Variants in HUWE1 observed in about 807,000 individuals in gnomAD.
HUWE1 encodes HECT, UBA and WWE domain containing E3 ubiquitin protein ligase 1.
HUWE1 carries 18 observed loss-of-function variants against 299.4 expected under a neutral mutation model. That is an observed-to-expected ratio of 0.06 (90% CI 0.04 to 0.09). The LOEUF is 0.09. Among genes scored for constraint, HUWE1 ranks in the 10% least tolerant of loss-of-function variants. The pLI is 1.00. For synonymous variants in HUWE1, 1,317 were observed against 1,286.1 expected (o/e 1.02, Z -0.51); for missense variants, 1,832 against 3,462.3 (o/e 0.53, Z 11.82).
chrX:53,685,490 A>T (rs782781701), intron 2 of HUWE1, among the ~76,000 whole-genome samples: 58 of 112,405 alleles, frequency 5.2e-4, no homozygotes, highest in African/African-American at 1.8e-3. Flanking sequence ...TTATTATTAA[A>T]ATTTCAAAAT....
At position 53,595,207 on chromosome X, in the gene HUWE1, A is replaced by G. The variant is rs2148503260; in HGVS notation, c.3360T>C (p.Tyr1120=). ...TTCACCTGAATCGGGGAGTAGGTGT[A>G]TATGGTGGGGGCTGCCAAGATAACC... is the stretch of plus-strand genomic sequence containing the variant. ...TKGLSWQPPP[Y]TPTPRFRLTF... The change falls in exon 30 of 84, where the codon TAT becomes TAC. Residue 1120 remains tyrosine, a synonymous_variant. Transcript: ENST00000262854. 8.3e-7 allele frequency: 1 copy of G among 1,210,006 alleles called. No homozygotes were observed. Among genetic ancestry groups the G allele is most frequent in the Non-Finnish European group, 1.1e-6 (1 of 894,139 alleles).
intron 7 of HUWE1, among the ~76,000 whole-genome samples, chrX:53,644,746 C>T (rs2067851633): frequency 8.9e-6 from 1 of 112,293 alleles, no homozygotes; most frequent in African/African-American, 3.2e-5. Flanking sequence ...AGCTTTCCAA[C>T]AGTGGGTTAC....
intron 19 of HUWE1, among the ~76,000 whole-genome samples, chrX:53,619,323 T>C (rs1208922480): frequency 6.3e-5 from 7 of 111,399 alleles, no homozygotes; most frequent in Non-Finnish European, 1.3e-4. Flanking sequence ...ATGAATTCTA[T>C]AGAGTTACTA....
Position 53,552,695 on chromosome X carries a change from G to T in HUWE1, c.8693C>A (p.Ala2898Glu), listed in dbSNP as rs781924148. The T allele has an allele frequency of 2.0e-5, 24 of 1,210,095 alleles. No individual in the cohort carries two copies. In the South Asian group the frequency reaches 3.9e-4, roughly 20 times the overall value. ...STPGDAPPAV[A>E]EVQGRSDGSG... is the part of the protein sequence containing the mutation. The stretch of plus-strand genomic sequence containing the variant: ...CCCATCACTCCTGCCTTGCACTTCC[G>T]CCACAGCTGGTGGGGCATCCCCAGG... The change falls in exon 62 of 84, where the codon GCG (alanine) becomes GAG (glutamate). Residue 2898 changes from alanine (A) to glutamate (E), a missense_variant. Physicochemically the swap from Ala to Glu is moderately radical, Grantham distance 107. Around this residue, in one of 15 missense-constraint regions of HUWE1, gnomAD observed 143 missense variants for 148.1 expected, o/e 0.97. Coordinates refer to ENST00000262854, the MANE Select transcript of HUWE1 (RefSeq NM_031407.7).
At chrX:53,565,884 G>A (rs1409012655) in intron 49 of HUWE1, among the ~76,000 whole-genome samples, 4 of 108,442 alleles carry the variant, frequency 3.7e-5, no homozygotes, top group South Asian at 4.1e-4. Context: ...TGCCCTCCTC[G>A]CCCGGCTGAT....
chrX:53,548,223 C>T lies in HUWE1; in HGVS notation c.10086G>A (p.Glu3362=). 1.7e-5 allele frequency: 20 copies of T among 1,210,341 alleles called. No individual in the cohort carries two copies. The highest frequency in any genetic ancestry group is 2.3e-4 in the Middle Eastern group (1 of 4,346). Residue 3362 remains glutamate, a synonymous_variant, in exon 68 of 84, where the codon GAG becomes GAA. Coordinates refer to ENST00000262854, the MANE Select transcript of HUWE1 (RefSeq NM_031407.7). The part of the protein sequence containing the change: ...TQQRTKETNC[E]SDRERGNKAC... Reference sequence around the variant, plus strand: ...CCTTATTGCCCCTTTCCCGATCACTCTCACAGTTTGTTTCTTTGGTCCGCT... The same window carrying T: ...CCTTATTGCCCCTTTCCCGATCACTTTCACAGTTTGTTTCTTTGGTCCGCT...
At chrX:53,654,205 C>T (rs1452875556) in intron 3 of HUWE1, 74 bp from the exon 4 acceptor site, 2 of 642,135 alleles carry the variant, frequency 3.1e-6, no homozygotes, top group Admixed American at 2.7e-5. Context: ...TGGACACAGA[C>T]AATACAGAAT....
At chrX:53,649,590 G>C (rs1313903092) in intron 4 of HUWE1, among the ~76,000 whole-genome samples, 2 of 111,626 alleles carry the variant, frequency 1.8e-5, no homozygotes, top group African/African-American at 6.5e-5. Context: ...AAAATCCTTG[G>C]CACAAAATCC....
intron 55 of HUWE1, 57 bp from the exon 56 acceptor site, chrX:53,560,473 T>C: frequency 9.5e-7 from 1 of 1,049,225 alleles, no homozygotes. Context: ...TCCATGTTTG[T>C]TCAAGCAGAA....
intron 34 of HUWE1, 120 bp from the exon 35 acceptor site, chrX:53,590,619 C>A: frequency 1.8e-6 from 1 of 559,155 alleles, no homozygotes; most frequent in South Asian, 2.4e-5. Flanking sequence ...AGAGGAAGGG[C>A]CTCAAAATGC....
Position 53,624,628 on chromosome X carries a change from C to A in HUWE1, c.1639G>T (p.Ala547Ser). 1 of 1,206,140 alleles carries A rather than the reference C, an allele frequency of 8.3e-7. No individual in the cohort carries two copies. Among genetic ancestry groups the A allele is most frequent in the African/African-American group, 1.7e-5 (1 of 57,736 alleles). Residue 547 changes from alanine to serine, a missense_variant, in exon 19 of 84, where the codon GCA (alanine) becomes TCA (serine). Physicochemically the swap from Ala to Ser is moderately conservative, Grantham distance 99. Transcript: ENST00000262854. ...PTSLKHIISN[A>S]EYYGPSLFLL... is the part of the protein sequence containing the mutation. ...AAGAGTGATGGGCCATAGTATTCTG[C>A]ATTGCTGATGATGTGTTTCAGGGAG...
In HUWE1 at chrX:53,603,373, T is replaced by G. The variant is rs2064987411; in HGVS notation, c.2871A>C (p.Pro957=). Residue 957 remains proline (P), a synonymous_variant, in exon 27 of 84, where the codon CCA becomes CCC. Transcript: ENST00000262854. ...AGAGAGAGCCATTCTCTTACCTGTT[T>G]GGGGTACACAGAGAGAGGAGGACAG... The part of the protein sequence containing the change: ...ESTVLLSLCT[P]NSLPSGCEFG... 4 of 1,209,182 alleles carry G rather than the reference T, an allele frequency of 3.3e-6. No individual in the cohort carries two copies. The highest frequency in any genetic ancestry group is 4.5e-6 in the Non-Finnish European group (4 of 893,654).
intron 58 of HUWE1, 28 bp from the exon 59 acceptor site, chrX:53,558,837 C>G: frequency 1.7e-6 from 2 of 1,209,738 alleles, no homozygotes; most frequent in Non-Finnish European, 1.1e-6. Context: ...AAATCAAAGG[C>G]TGCTCTGGTG....
intron 4 of HUWE1, among the ~76,000 whole-genome samples, chrX:53,651,713 A>C (rs782395651): frequency 9.0e-6 from 1 of 111,716 alleles, no homozygotes; most frequent in African/African-American, 3.3e-5. Context: ...TGTTAACTAT[A>C]GGCACTATGT....
rs1276725643 is a variant in HUWE1, at chrX:53,625,322, C to T, written c.1490-64G>A. The T allele has an allele frequency of 1.6e-5, 12 of 743,087 alleles. No individual in the cohort carries two copies. In the East Asian group the frequency reaches 3.5e-4, roughly 22 times the overall value. 61.2% of individuals were successfully genotyped at this position (743,087 alleles called of 1,213,427 possible). On this transcript the variant is annotated intron_variant, in intron 17 of 83. Transcript: ENST00000262854. ...GCCATTAAACCACAATGATCAAGCA[C>T]ATAAAACAAAATTTTAAGAGATCCA...
rs782581048 is a variant in HUWE1 at position 53,592,351 on chromosome X, C to T, written c.3972+47G>A. 5 of 939,778 alleles carry T rather than the reference C, an allele frequency of 5.3e-6. No homozygotes were observed. In the South Asian group the frequency reaches 9.7e-5, roughly 18 times the overall value. The allele number at this position is 939,778 out of a possible 1,213,427, so 77.4% of individuals were successfully genotyped here. On this transcript the variant is annotated intron_variant, in intron 33 of 83. Coordinates refer to ENST00000262854, the MANE Select transcript of HUWE1 (RefSeq NM_031407.7). Reference sequence around the variant, plus strand: ...TAGAAAATCCGTAAGCATCACACTCCATTGGGTGCAAAGTCTGGACCCTGG... The same window carrying T: ...TAGAAAATCCGTAAGCATCACACTCTATTGGGTGCAAAGTCTGGACCCTGG...
At chrX:53,658,461 G>A (rs1309660951) in intron 3 of HUWE1, among the ~76,000 whole-genome samples, 1 of 111,545 alleles carries the variant, frequency 9.0e-6, no homozygotes, top group Non-Finnish European at 1.9e-5. Flanking sequence ...CCAAAATCAA[G>A]TCTTATCATA....
chrX:53,602,651 A>G lies in HUWE1; in HGVS notation c.2884T>C (p.Ser962Pro). 8.8e-7 allele frequency: 1 copy of G among 1,132,566 alleles called. No homozygotes were observed. Among genetic ancestry groups the G allele is most frequent in the Non-Finnish European group, 1.2e-6 (1 of 825,161 alleles). The allele number at this position is 1,132,566 out of a possible 1,213,427, so 93.3% of individuals were successfully genotyped here. ...TCTGCCTGGCCAAATTCACACCCAG[A>G]TGGTAGGCTGCAAAAAGAGAAATGC... ...LSLCTPNSLP[S>P]GCEFGQADMQ... Residue 962 changes from serine (S) to proline (P), a missense_variant, in exon 28 of 84, where the codon TCT becomes CCT. This residue lies in a region of HUWE1 where 658 missense variants were observed against 1,282.6 expected (regional missense o/e 0.51). Transcript: ENST00000262854.
chrX:53,535,245 T>C, intron 81 of HUWE1, 139 bp downstream of exon 81: 1 of 524,499 alleles, frequency 1.9e-6, no homozygotes, highest in African/African-American at 2.2e-5. Flanking sequence ...TTAAGTATTT[T>C]TGATCAAGTG....
Sources: allele counts gnomAD v4.1 joint callset (sites outside exome capture counted in the v4.1 genomes callset), GRCh38; gene constraint gnomAD v4.1.1; regional missense constraint gnomAD v4.1.1; transcripts MANE v1.5; gene names NCBI Gene and HGNC (gene_info 2026-07-23, HGNC 2026-07-21).